The following ANKRD11 variants were observed in gnomAD, a reference collection of about 807,000 sequenced individuals.
ANKRD11 encodes ankyrin repeat domain 11.
Under a neutral mutation model 195.7 loss-of-function variants are expected in ANKRD11, and 17 were observed. The ratio of observed to expected loss-of-function variants is 0.09; its 90% CI spans 0.06 to 0.13. ANKRD11 has a LOEUF of 0.13. Ranked by LOEUF, ANKRD11 falls within the 10% of genes least tolerant of loss-of-function variation. ANKRD11 has a pLI of 1.00. For missense variants in ANKRD11, 3,735 were observed against 3,566.1 expected (o/e 1.05, Z -1.21); for synonymous variants, 1,953 against 1,528.1 (o/e 1.28, Z -6.49).
At chr16:89,301,176 G>C in intron 4 of ANKRD11, 1 of 468,606 alleles carries the variant, frequency 2.1e-6, no homozygotes, top group Non-Finnish European at 3.7e-6. Flanking sequence ...GCGCAATCAC[G>C]GCTCACTGCA....
At chr16:89,405,627 C>G (rs2041874716) in intron 2 of ANKRD11, among the ~76,000 whole-genome samples, 2 of 151,938 alleles carry the variant, frequency 1.3e-5, no homozygotes, top group Admixed American at 6.6e-5. Context: ...AGCCGCCATG[C>G]CCGGCTTTCT....
chr16:89,273,409 G>A (rs2033353734), intron 11 of ANKRD11, among the ~76,000 whole-genome samples: 1 of 152,138 alleles, frequency 6.6e-6, no homozygotes, highest in African/African-American at 2.4e-5. Flanking sequence ...TTTCTTTAAA[G>A]AAAATCTGTC....
At chr16:89,466,957 T>C (rs2056906887) in intron 1 of ANKRD11, among the ~76,000 whole-genome samples, 1 of 152,220 alleles carries the variant, frequency 6.6e-6, no homozygotes, top group African/African-American at 2.4e-5. Flanking sequence ...TGACCACCCC[T>C]ACCCTGTCAG....
chr16:89,280,926 A>G lies in ANKRD11; in HGVS notation c.5616T>C (p.Val1872=), dbSNP rs1158814455. The G allele has an allele frequency of 2.5e-6, 4 of 1,594,932 alleles. No homozygotes were observed. The African/African-American group carries it at 5.4e-5, about 21-fold the overall frequency. The change falls in exon 9 of 13, where the codon GTT becomes GTC. Residue 1872 remains valine, a synonymous_variant. Transcript: ENST00000301030. ...VDALHCPPAA[V]VTVTPSPEGV... The stretch of plus-strand genomic sequence containing the variant: ...CCTCTGGAGACGGGGTGACAGTGAC[A>G]ACGGCAGCCGGTGGGCAGTGCAAAG...
chr16:89,286,044 G>A lies in ANKRD11; in HGVS notation c.887C>T (p.Ser296Leu), dbSNP rs954455820. 3.7e-6 allele frequency: 6 copies of A among 1,614,166 alleles called. No homozygotes were observed. The highest frequency in any genetic ancestry group is 1.1e-5 in the South Asian group (1 of 91,080). ...CTCAGGTGGCCGTGACTTACCCGTCGAGCTCTCCTCGCTGGAAGTGTAAGT... is the reference window on the plus strand; with the variant it reads ...CTCAGGTGGCCGTGACTTACCCGTCAAGCTCTCCTCGCTGGAAGTGTAAGT... Reference protein sequence around the residue: ...KGTYTSSEESSTESSEEEDAP... With the variant: ...KGTYTSSEESLTESSEEEDAP... The change falls in exon 8 of 13, where the codon TCG becomes TTG. Residue 296 changes from serine (S) to leucine (L), a missense_variant. Coordinates refer to ENST00000301030, the MANE Select transcript of ANKRD11 (RefSeq NM_013275.6).
rs781777695 is a variant in ANKRD11, at chr16:89,285,195, C to G, written c.1347G>C (p.Lys449Asn). 2 of 1,613,586 alleles carry G rather than the reference C, an allele frequency of 1.2e-6. No individual in the cohort carries two copies. Among genetic ancestry groups the G allele is most frequent in the Admixed American group, 3.3e-5 (2 of 60,004 alleles). ...TREPSNAKQQ[K>N]EKNKVKKKRK... ...GCTTCTTTTTCACTTTATTTTTTTC[C>G]TTCTGCTGCTTGGCATTAGAAGGCT... The change falls in exon 9 of 13, where the codon AAG (lysine) becomes AAC (asparagine). Residue 449 changes from lysine (K) to asparagine (N), a missense_variant. By Grantham distance (94) the Lys-to-Asn change is moderately conservative. Coordinates refer to ENST00000301030, the MANE Select transcript of ANKRD11 (RefSeq NM_013275.6). The surrounding 1 kb of genome is among the most constrained non-coding windows in gnomAD (Gnocchi z 5.6).
chr16:89,427,236 A>T (rs1248728689), intron 1 of ANKRD11, among the ~76,000 whole-genome samples: 1 of 152,248 alleles, frequency 6.6e-6, no homozygotes, highest in Non-Finnish European at 1.5e-5. Flanking sequence ...CCCTGTAACC[A>T]CAAAACACTG....
chr16:89,430,549 C>G (rs1168166389), intron 1 of ANKRD11, among the ~76,000 whole-genome samples: 5 of 151,990 alleles, frequency 3.3e-5, no homozygotes, highest in Non-Finnish European at 7.4e-5. Flanking sequence ...CGTTCTAGTA[C>G]ACAGCAGGGA....
At chr16:89,287,765 C>A (rs919657889) in intron 7 of ANKRD11, 2 of 179,340 alleles carry the variant, frequency 1.1e-5, no homozygotes, top group African/African-American at 2.4e-5. Context: ...CCGGAACAAG[C>A]CGTTTCTCAA....
rs377219970 is a variant in ANKRD11 at position 89,281,275 on chromosome 16, C to A, written c.5267G>T (p.Cys1756Phe). Residue 1756 changes from cysteine to phenylalanine, a missense_variant, in exon 9 of 13, where the codon TGC (cysteine) becomes TTC (phenylalanine). Transcript: ENST00000301030. The surrounding 1 kb of genome is among the most constrained non-coding windows in gnomAD (Gnocchi z 5.5). ...GAACCTGTCGAAAAAGGAGGGGGAG[C>A]AGGCGCTGGTGGGAGCGGTGGGCAC... is the stretch of plus-strand genomic sequence containing the variant. ...TPVPTAPTSA[C>F]SPSFFDRFSV... is the part of the protein sequence containing the mutation. 1.2e-6 allele frequency: 2 copies of A among 1,614,192 alleles called. No homozygotes were observed. Among genetic ancestry groups the A allele is most frequent in the South Asian group, 2.2e-5 (2 of 91,086 alleles).
rs1190073937 is a variant in ANKRD11, at chr16:89,280,495, G to A, written c.6047C>T (p.Pro2016Leu). The A allele has an allele frequency of 6.3e-7, 1 of 1,593,036 alleles. No homozygotes were observed. Residue 2016 changes from proline (P) to leucine (L), a missense_variant, in exon 9 of 13, where the codon CCC becomes CTC. Pro to Leu is a moderately conservative substitution (Grantham distance 98). Transcript: ENST00000301030. ...CGGGGCAGGAGAGGCGGGAGGGGCG[G>A]GGTACGGCGCCTCCGAGGCGCTGAA... Reference protein sequence around the residue: ...GPFSASEAPYPAPPASPAPYA... With the variant: ...GPFSASEAPYLAPPASPAPYA...
intron 2 of ANKRD11, among the ~76,000 whole-genome samples, chr16:89,347,504 G>A (rs2038999298): frequency 6.6e-6 from 1 of 151,986 alleles, no homozygotes; most frequent in African/African-American, 2.4e-5. Context: ...CCAGCTACTA[G>A]GGAGGCTGAG....
At chr16:89,349,134 T>TAAAGAAAAAAAAAAAAAAAAAAAAAAAA (rs2039080153) in intron 2 of ANKRD11, among the ~76,000 whole-genome samples, 1 of 16,576 alleles carries the variant, frequency 6.0e-5, no homozygotes, top group Non-Finnish European at 9.5e-5. Context: ...TCTCAAAAAG[T>TAAAGAAAAAAAAAAAAAAAAAAAAAAAA]AAAAAAAAAA....
At chr16:89,434,561 T>C (rs969185463) in intron 1 of ANKRD11, among the ~76,000 whole-genome samples, 2 of 152,184 alleles carry the variant, frequency 1.3e-5, no homozygotes, top group Non-Finnish European at 2.9e-5. Context: ...TGCAGAAGCA[T>C]GCGGCTGGTC....
At chr16:89,408,678 G>C (rs1282451188) in intron 2 of ANKRD11, among the ~76,000 whole-genome samples, 3 of 151,918 alleles carry the variant, frequency 2.0e-5, no homozygotes, top group Non-Finnish European at 4.4e-5. Context: ...ACCCTCCCTA[G>C]AGTCCAGCGC....
Position 89,371,724 on chromosome 16 carries a change from A to G in ANKRD11, c.-60+46560T>C, listed in dbSNP as rs369875177. On this transcript the variant is annotated intron_variant, in intron 2 of 12. Coordinates refer to ENST00000301030, the MANE Select transcript of ANKRD11 (RefSeq NM_013275.6). ...ATATGAGAGGTGGTCTCGGGTGTGG[A>G]GGGCGATGCGGACTCCCTCCTGCAC... is the stretch of plus-strand genomic sequence containing the variant. Among the ~76,000 whole-genome samples, 545 of 152,050 alleles carry G rather than the reference A, an allele frequency of 3.6e-3. 3 individuals are homozygous for G. Among genetic ancestry groups the G allele is most frequent in the African/African-American group, 0.012 (505 of 41,450 alleles).
At chr16:89,317,152 AAC>A in intron 2 of ANKRD11, 74 bp from the exon 3 acceptor site, 3 of 1,009,308 alleles carry the variant, frequency 3.0e-6, no homozygotes, top group African/African-American at 3.2e-5. Flanking sequence ...CACCGCACTC[AAC>A]AGACTCAGTA....
At chr16:89,385,739 T>C (rs2040878758) in intron 2 of ANKRD11, among the ~76,000 whole-genome samples, 1 of 152,240 alleles carries the variant, frequency 6.6e-6, no homozygotes, top group African/African-American at 2.4e-5. Flanking sequence ...AGCACCACTT[T>C]CACGTCTGAC....
chr16:89,318,921 A>G (rs1226339489), intron 2 of ANKRD11, among the ~76,000 whole-genome samples: 1 of 152,160 alleles, frequency 6.6e-6, no homozygotes, highest in Non-Finnish European at 1.5e-5. Flanking sequence ...TACCTGAACC[A>G]ATGAATTTTA....
Sources: allele counts gnomAD v4.1 joint callset (sites outside exome capture counted in the v4.1 genomes callset), GRCh38; gene constraint gnomAD v4.1.1; non-coding constraint Gnocchi (gnomAD v3.1); transcripts MANE v1.5; gene names NCBI Gene and HGNC (gene_info 2026-07-23, HGNC 2026-07-21).